Variants in METTL16 observed in about 807,000 individuals in gnomAD.
The protein encoded by METTL16 is RNA N(6)-adenosine-methyltransferase METTL16.
Under a neutral mutation model 57.9 loss-of-function variants are expected in METTL16, and 19 were observed. The observed-to-expected ratio is 0.33, with a 90% CI of 0.23 to 0.48. METTL16 has a LOEUF of 0.48. Ranked by LOEUF, METTL16 falls within the 20% of genes least tolerant of loss-of-function variation. METTL16 has a pLI of 0.99. For synonymous variants in METTL16, 246 were observed against 255.6 expected, an observed-to-expected ratio of 0.96 and a Z score of 0.36; for missense variants, 434 against 691.5, an observed-to-expected ratio of 0.63 and a Z score of 4.18.
chr17:2,466,072 G>A (rs2067192877), intron 5 of METTL16, among the ~76,000 whole-genome samples: 1 of 148,920 alleles, frequency 6.7e-6, no homozygotes, highest in African/African-American at 2.5e-5. Flanking sequence ...GCACGCTTAT[G>A]ATCCCAGCTA....
intron 6 of METTL16, among the ~76,000 whole-genome samples, chr17:2,453,516 C>T (rs1032312891): frequency 7.9e-5 from 12 of 152,272 alleles, no homozygotes; most frequent in African/African-American, 2.6e-4. Flanking sequence ...CTTGTCCTTC[C>T]AGGTGCGTCA....
intron 8 of METTL16, among the ~76,000 whole-genome samples, chr17:2,422,039 C>T (rs894871673): frequency 2.0e-5 from 3 of 152,124 alleles, no homozygotes; most frequent in South Asian, 2.1e-4. Context: ...CTGCCGGGCG[C>T]GGTGGCTCAT....
At chr17:2,472,826 G>A (rs1335950563) in intron 4 of METTL16, among the ~76,000 whole-genome samples, 1 of 152,132 alleles carries the variant, frequency 6.6e-6, no homozygotes, top group Non-Finnish European at 1.5e-5. Context: ...AAGGTCAGTA[G>A]TTTCCTGGGG....
intron 5 of METTL16, 96 bp from the exon 6 acceptor site, chr17:2,464,446 T>C (rs2067175510): frequency 8.2e-7 from 1 of 1,224,316 alleles, no homozygotes; most frequent in East Asian, 2.5e-5. Flanking sequence ...TTAGTTGCAA[T>C]TTTTACTTTC....
chr17:2,482,922 T>C (rs1345647607), intron 2 of METTL16, among the ~76,000 whole-genome samples: 1 of 149,502 alleles, frequency 6.7e-6, no homozygotes, highest in East Asian at 2.0e-4. Flanking sequence ...AAAATAATAA[T>C]AATAATAATA....
Position 2,419,956 on chromosome 17 carries a change from T to C in METTL16, c.*14A>G. 1 of 1,612,992 alleles carries C rather than the reference T, an allele frequency of 6.2e-7. No homozygotes were observed. On this transcript the variant is annotated 3_prime_UTR_variant, in exon 10 of 10. Coordinates refer to ENST00000263092, the MANE Select transcript of METTL16 (RefSeq NM_024086.4). ...AAGTTACTATCAACACGTTTCCAAC[T>C]GTGCAGGAGGTTTCTAGTTAACTGC...
chr17:2,434,742 G>A (rs964246039), intron 8 of METTL16, among the ~76,000 whole-genome samples: 1 of 152,132 alleles, frequency 6.6e-6, no homozygotes, highest in Non-Finnish European at 1.5e-5. Flanking sequence ...GCACAAAGTT[G>A]CCTAATTAAT....
chr17:2,435,444 G>A (rs1428739086), intron 8 of METTL16, among the ~76,000 whole-genome samples: 1 of 152,110 alleles, frequency 6.6e-6, no homozygotes, highest in African/African-American at 2.4e-5. Flanking sequence ...GGTGGGGAGA[G>A]AGGTCTAGGA....
At chr17:2,506,245 T>G (rs1345563072) in intron 1 of METTL16, among the ~76,000 whole-genome samples, 1 of 126,262 alleles carries the variant, frequency 7.9e-6, no homozygotes. Flanking sequence ...CCTCTCCCTC[T>G]CCCTCCCCCT....
intron 8 of METTL16, among the ~76,000 whole-genome samples, chr17:2,428,671 A>G (rs2066844719): frequency 7.1e-6 from 1 of 140,400 alleles, no homozygotes; most frequent in African/African-American, 2.6e-5. Flanking sequence ...CAGAAGCAGG[A>G]GGATCACTTG....
chr17:2,430,457 C>T (rs2066864957), intron 8 of METTL16, among the ~76,000 whole-genome samples: 2 of 146,274 alleles, frequency 1.4e-5, no homozygotes, highest in African/African-American at 2.5e-5. Context: ...GCTCTGTCGC[C>T]CAGGCTGGAG....
chr17:2,455,555 C>A (rs1177033384), intron 6 of METTL16, among the ~76,000 whole-genome samples: 2 of 152,188 alleles, frequency 1.3e-5, no homozygotes, highest in African/African-American at 4.8e-5. Context: ...CTGCTGGATC[C>A]AATCTTTTCT....
intron 8 of METTL16, chr17:2,424,167 G>A (rs1437154810): frequency 6.7e-6 from 1 of 149,340 alleles, no homozygotes; most frequent in Non-Finnish European, 1.5e-5. Context: ...AGGCTGGAGT[G>A]CAGTGGCGGG....
chr17:2,420,384 G>T lies in METTL16; in HGVS notation c.1275C>A (p.Gly425=). 1 of 1,613,166 alleles carries T rather than the reference G, an allele frequency of 6.2e-7. No individual in the cohort carries two copies. The change falls in exon 10 of 10, where the codon GGC becomes GGA. Residue 425 remains glycine, a synonymous_variant. Transcript: ENST00000263092. The surrounding 1 kb of genome is among the most constrained non-coding windows in gnomAD (Gnocchi z 5.4). The stretch of plus-strand genomic sequence containing the variant: ...GCCCACAGGGGGTCCTCTCCTGGGG[G>T]CCCCTGGCCAGTTCTTGGCTATTGC... ...ESGNSQELAR[G]PQERTPCGPA...
intron 6 of METTL16, among the ~76,000 whole-genome samples, chr17:2,445,405 GCAACACAT>G (rs1239073312): frequency 6.6e-6 from 1 of 151,992 alleles, no homozygotes; most frequent in Non-Finnish European, 1.5e-5. Flanking sequence ...CCCTCATTAA[GCAACACAT>G]GACTGTATAT....
chr17:2,441,405 A>G, intron 7 of METTL16, 85 bp downstream of exon 7: 1 of 920,764 alleles, frequency 1.1e-6, no homozygotes, highest in Admixed American at 3.4e-5. Flanking sequence ...CCACAATGCA[A>G]TATATCAATG....
intron 6 of METTL16, among the ~76,000 whole-genome samples, chr17:2,446,644 C>T (rs1369310297): frequency 6.8e-6 from 1 of 147,366 alleles, no homozygotes; most frequent in Non-Finnish European, 1.5e-5. Context: ...CTTCCACGGT[C>T]TCCCTCTGAT....
chr17:2,447,692 C>T (rs2067016128), intron 6 of METTL16, among the ~76,000 whole-genome samples: 1 of 144,140 alleles, frequency 6.9e-6, no homozygotes, highest in African/African-American at 2.7e-5. Flanking sequence ...GCCGCCCCGT[C>T]CGGGAGGGGG....
chr17:2,442,249 T>C (rs982790747), intron 6 of METTL16, among the ~76,000 whole-genome samples: 1 of 152,200 alleles, frequency 6.6e-6, no homozygotes, highest in Non-Finnish European at 1.5e-5. Context: ...AATAGCTGTT[T>C]TTCAGACATT....
Sources: allele counts gnomAD v4.1 joint callset (sites outside exome capture counted in the v4.1 genomes callset), GRCh38; gene constraint gnomAD v4.1.1; non-coding constraint Gnocchi (gnomAD v3.1); transcripts MANE v1.5; gene names NCBI Gene and HGNC (gene_info 2026-07-23, HGNC 2026-07-21).